Variants in ENOX1 observed in about 807,000 individuals in gnomAD.
The protein encoded by ENOX1 is ecto-NOX disulfide-thiol exchanger 1.
In ENOX1, 42 loss-of-function variants were observed where a neutral mutation model predicts 82.5. That is an observed-to-expected ratio of 0.51 (90% confidence interval 0.40 to 0.66). ENOX1 has a LOEUF of 0.66. ENOX1 is among the 30% of genes least tolerant of loss of function. The pLI, the probability that ENOX1 is intolerant of heterozygous loss-of-function variation, is 0.00. For synonymous variants in ENOX1, 271 were observed against 282.2 expected, an observed-to-expected ratio of 0.96 and a Z score of 0.40; for missense variants, 608 against 811.6, an observed-to-expected ratio of 0.75 and a Z score of 3.05.
At chr13:43,521,923 C>T (rs2077785726) in intron 2 of ENOX1, among the ~76,000 whole-genome samples, 1 of 152,026 alleles carries the variant, frequency 6.6e-6, no homozygotes, top group South Asian at 2.1e-4. Context: ...GTTGCTATGG[C>T]ATATAAGTAC....
intron 15 of ENOX1, among the ~76,000 whole-genome samples, chr13:43,225,331 G>A (rs1360775942): frequency 6.6e-6 from 1 of 152,172 alleles, no homozygotes; most frequent in East Asian, 1.9e-4. Flanking sequence ...TTACCAGGGG[G>A]ATGGGTTCAG....
At chr13:43,661,984 C>A (rs748279234) in intron 2 of ENOX1, among the ~76,000 whole-genome samples, 3 of 96,524 alleles carry the variant, frequency 3.1e-5, no homozygotes, top group East Asian at 2.5e-4. Context: ...TCTGCAAGAA[C>A]AACAGATTGA....
rs1328507668 is a variant in ENOX1 at position 43,374,474 on chromosome 13, G to A, written c.209-13022C>T. On this transcript the variant is annotated intron_variant, in intron 5 of 16. Transcript: ENST00000690772. Reference sequence around the variant, plus strand: ...TTGCCCAGGTTGGTCTCAAACTCCTGGGCTCAAGTGATCCTCCCGCCTCAG... The same window carrying A: ...TTGCCCAGGTTGGTCTCAAACTCCTAGGCTCAAGTGATCCTCCCGCCTCAG... 3.3e-5 allele frequency among the ~76,000 whole-genome samples: 5 copies of A among 152,116 alleles called. No homozygotes were observed. In the East Asian group the frequency reaches 7.7e-4, roughly 24 times the overall value.
At chr13:43,372,438 G>T (rs944740324) in intron 5 of ENOX1, among the ~76,000 whole-genome samples, 4 of 152,108 alleles carry the variant, frequency 2.6e-5, no homozygotes, top group African/African-American at 9.7e-5. Flanking sequence ...TGAAATCAAA[G>T]GATAACACAG....
At chr13:43,309,711 CT>C (rs1374289999) in intron 11 of ENOX1, among the ~76,000 whole-genome samples, 1 of 152,102 alleles carries the variant, frequency 6.6e-6, no homozygotes, top group Non-Finnish European at 1.5e-5. Context: ...TATAAACTGT[CT>C]GGATGGATAA....
chr13:43,559,652 T>C (rs1356561880), intron 2 of ENOX1, among the ~76,000 whole-genome samples: 1 of 152,198 alleles, frequency 6.6e-6, no homozygotes, highest in Non-Finnish European at 1.5e-5. Context: ...CTGCAGAGAA[T>C]ATATCAACTC....
intron 1 of ENOX1, among the ~76,000 whole-genome samples, chr13:43,671,733 G>A (rs2085278002): frequency 6.6e-6 from 1 of 152,100 alleles, no homozygotes; most frequent in South Asian, 2.1e-4. Flanking sequence ...AGGGGAAGAG[G>A]AGACATGACA....
intron 14 of ENOX1, among the ~76,000 whole-genome samples, chr13:43,242,909 G>A (rs954124236): frequency 6.6e-6 from 1 of 152,186 alleles, no homozygotes; most frequent in Admixed American, 6.5e-5. Context: ...ACTGAGGCAG[G>A]TGGATCACTT....
intron 2 of ENOX1, among the ~76,000 whole-genome samples, chr13:43,582,748 A>C (rs1242279012): frequency 6.6e-6 from 1 of 152,018 alleles, no homozygotes; most frequent in African/African-American, 2.4e-5. Flanking sequence ...TAATTTTTAA[A>C]TTTTCTTGGA....
chr13:43,456,677 A>G (rs1054190753), intron 3 of ENOX1, among the ~76,000 whole-genome samples: 4 of 152,118 alleles, frequency 2.6e-5, no homozygotes, highest in African/African-American at 7.2e-5. Flanking sequence ...CCTGGGCCCA[A>G]TCCCTGAGTC....
intron 5 of ENOX1, among the ~76,000 whole-genome samples, chr13:43,378,244 C>A (rs2051780498): frequency 6.6e-6 from 1 of 152,162 alleles, no homozygotes; most frequent in African/African-American, 2.4e-5. Context: ...CGGGCTACAG[C>A]ACAGGGAAGA....
At chr13:43,280,470 C>T (rs1329224094) in intron 12 of ENOX1, among the ~76,000 whole-genome samples, 1 of 152,206 alleles carries the variant, frequency 6.6e-6, no homozygotes, top group African/African-American at 2.4e-5. Context: ...AGGAAAGAAG[C>T]TTTTGCCTTA....
intron 3 of ENOX1, among the ~76,000 whole-genome samples, chr13:43,444,654 T>A (rs141836815): frequency 2.5e-4 from 38 of 152,318 alleles, no homozygotes; most frequent in South Asian, 6.2e-4. Context: ...ATTCACATTT[T>A]AAAAAAATCA....
chr13:43,622,700 G>A lies in ENOX1; in HGVS notation c.-219+44779C>T, dbSNP rs2082790990. ...GGACTCCATGAGGGTCCTTAGCTTTGGTGGTTTAATGGTCTATTTTTGTGC... is the reference window on the plus strand; with the variant it reads ...GGACTCCATGAGGGTCCTTAGCTTTAGTGGTTTAATGGTCTATTTTTGTGC... On this transcript the variant is annotated intron_variant, in intron 2 of 16. Coordinates refer to ENST00000690772, the MANE Select transcript of ENOX1 (RefSeq NM_001347969.2). Among the ~76,000 whole-genome samples, 6 of 152,220 alleles carry A rather than the reference G, an allele frequency of 3.9e-5. No individual in the cohort carries two copies. The South Asian group carries it at 1.2e-3, about 32-fold the overall frequency.
chr13:43,467,526 T>TTTTAAAATTTTA (rs1555288423), intron 3 of ENOX1, among the ~76,000 whole-genome samples: 1 of 148,008 alleles, frequency 6.8e-6, no homozygotes, highest in African/African-American at 2.6e-5. Flanking sequence ...TTTAAAATTT[T>TTTTAAAATTTTA]AAATTTTAAA....
chr13:43,390,347 T>C (rs1042279492), intron 5 of ENOX1, among the ~76,000 whole-genome samples: 4 of 140,912 alleles, frequency 2.8e-5, no homozygotes, highest in Non-Finnish European at 4.9e-5. Flanking sequence ...TGTCTAATAA[T>C]AACTTCAATG....
At chr13:43,218,267 A>G (rs2041595435) in intron 16 of ENOX1, among the ~76,000 whole-genome samples, 2 of 152,224 alleles carry the variant, frequency 1.3e-5, no homozygotes, top group African/African-American at 4.8e-5. Context: ...CAAATAATAC[A>G]GAGTTGTGTC....
intron 2 of ENOX1, among the ~76,000 whole-genome samples, chr13:43,528,785 A>T (rs1271636603): frequency 2.0e-5 from 3 of 152,026 alleles, no homozygotes; most frequent in African/African-American, 7.2e-5. Flanking sequence ...GGCGGCCAAA[A>T]AGAAGTCCAC....
At chr13:43,577,889 G>A (rs529544481) in intron 2 of ENOX1, among the ~76,000 whole-genome samples, 52 of 152,214 alleles carry the variant, frequency 3.4e-4, no homozygotes, top group Middle Eastern at 6.8e-3. Flanking sequence ...ACAGTTCTTA[G>A]AGAGTAAAGC....
Sources: gnomAD v4.1 joint callset for allele counts (sites outside exome capture counted in the v4.1 genomes callset) on GRCh38, gnomAD v4.1.1 for gene constraint, MANE v1.5 for transcripts, NCBI Gene and HGNC (gene_info 2026-07-23, HGNC 2026-07-21) for gene names.